PHF21B: variants seen among roughly 807,000 people sequenced by gnomAD.
The protein encoded by PHF21B is PHD finger protein 21B, also known as PHD finger protein 4.
PHF21B carries 22 observed loss-of-function variants against 62.2 expected under a neutral mutation model. The ratio of observed to expected loss-of-function variants is 0.35; its 90% CI spans 0.25 to 0.51. PHF21B has a LOEUF of 0.51. Ranked by LOEUF, PHF21B falls within the 20% of genes least tolerant of loss-of-function variation. The probability of loss-of-function intolerance (pLI) is 0.97; values close to 1 mark genes in which losing one functional copy is unlikely to be tolerated. For synonymous variants in PHF21B, 341 were observed against 314.7 expected, an observed-to-expected ratio of 1.08 and a Z score of -0.88; for missense variants, 701 against 707.9, an observed-to-expected ratio of 0.99 and a Z score of 0.11.
At chr22:44,961,552 G>T (rs2147418722) in intron 2 of PHF21B, among the ~76,000 whole-genome samples, 1 of 152,140 alleles carries the variant, frequency 6.6e-6, no homozygotes, top group Non-Finnish European at 1.5e-5. Flanking sequence ...TAGGATAATG[G>T]CCTACAGGCT....
chr22:44,888,803 CAGGG>C (rs1027945697), intron 9 of PHF21B, among the ~76,000 whole-genome samples: 1 of 152,148 alleles, frequency 6.6e-6, no homozygotes, highest in African/African-American at 2.4e-5. Flanking sequence ...TGCAAATGCC[CAGGG>C]AGGGAGAGGC....
At chr22:44,946,349 C>T (rs553508614) in intron 2 of PHF21B, among the ~76,000 whole-genome samples, 3 of 152,270 alleles carry the variant, frequency 2.0e-5, no homozygotes, top group South Asian at 4.1e-4. Context: ...TATGCCCTCC[C>T]GACATGCCTA....
chr22:44,925,182 A>T (rs1033970129), intron 2 of PHF21B, among the ~76,000 whole-genome samples: 1 of 152,248 alleles, frequency 6.6e-6, no homozygotes, highest in Non-Finnish European at 1.5e-5. Flanking sequence ...CGACACCAGG[A>T]CATTTTCAGG....
At chr22:44,888,620 G>A (rs1478862531) in intron 9 of PHF21B, among the ~76,000 whole-genome samples, 1 of 152,144 alleles carries the variant, frequency 6.6e-6, no homozygotes, top group African/African-American at 2.4e-5. Context: ...CCCTGTACTC[G>A]GCTCTCTGTT....
intron 11 of PHF21B, 31 bp downstream of exon 11, chr22:44,885,831 GT>G (rs2070847402): frequency 6.2e-7 from 1 of 1,603,900 alleles, no homozygotes. Flanking sequence ...GGGGGAGCAG[GT>G]ACCCTTTTCC....
chr22:44,998,119 C>T (rs1390415389), intron 2 of PHF21B, among the ~76,000 whole-genome samples: 6 of 152,222 alleles, frequency 3.9e-5, no homozygotes, highest in Non-Finnish European at 5.9e-5. Context: ...TAAGTTTCAT[C>T]GTATGGACCA....
intron 2 of PHF21B, chr22:44,969,063 C>T (rs991169028): frequency 5.3e-5 from 8 of 152,276 alleles, no homozygotes; most frequent in African/African-American, 1.9e-4. Flanking sequence ...ACTGACACTT[C>T]CTGTGGCCAG....
intron 2 of PHF21B, among the ~76,000 whole-genome samples, chr22:44,931,744 G>A (rs2094836009): frequency 6.6e-6 from 1 of 152,152 alleles, no homozygotes; most frequent in South Asian, 2.1e-4. Context: ...AGCCTCTGAG[G>A]TCACGCTAGT....
At chr22:44,928,690 A>C (rs1262635175) in intron 2 of PHF21B, among the ~76,000 whole-genome samples, 2 of 152,222 alleles carry the variant, frequency 1.3e-5, no homozygotes, top group Admixed American at 6.5e-5. Flanking sequence ...GATTAGAGGC[A>C]TGAGCCAACA....
chr22:44,886,678 C>A (rs1471370559), intron 10 of PHF21B, among the ~76,000 whole-genome samples: 2 of 150,602 alleles, frequency 1.3e-5, no homozygotes, highest in Non-Finnish European at 3.0e-5. Context: ...CAGAGCAAGA[C>A]CCTGTCTACC....
intron 10 of PHF21B, among the ~76,000 whole-genome samples, chr22:44,886,513 C>G (rs1021928622): frequency 2.3e-4 from 35 of 151,602 alleles, no homozygotes; most frequent in African/African-American, 7.7e-4. Context: ...AAAGTGAGAC[C>G]CAACCTCTAC....
chr22:44,917,963 C>T lies in PHF21B; in HGVS notation c.214-1333G>A, dbSNP rs1353240163. On this transcript the variant is annotated intron_variant, in intron 3 of 12. Transcript: ENST00000313237. ...GTCCTTAGCAAAATGAGCCCGGCCTCCCACATCAGGGCCCTGGCCACACCA... is the reference window on the plus strand; with the variant it reads ...GTCCTTAGCAAAATGAGCCCGGCCTTCCACATCAGGGCCCTGGCCACACCA... 5.3e-5 allele frequency among the ~76,000 whole-genome samples: 8 copies of T among 152,342 alleles called. No individual in the cohort carries two copies. In the East Asian group the frequency reaches 1.2e-3, roughly 22 times the overall value.
chr22:44,904,155 G>C (rs73178244), intron 5 of PHF21B, among the ~76,000 whole-genome samples: 5,314 of 152,216 alleles, frequency 0.035, 140 homozygotes, highest in Non-Finnish European at 0.053. Flanking sequence ...ATAAAGGCTG[G>C]AGTTAATATT....
rs16993160 is a variant in PHF21B, at chr22:44,940,218, C to T, written c.121-19728G>A. Among the ~76,000 whole-genome samples the T allele has an allele frequency of 2.2e-3, 329 of 152,338 alleles. 4 individuals are homozygous for T. The highest frequency in any genetic ancestry group is 7.7e-3 in the African/African-American group (322 of 41,578). ...CTCTTGGCAAGAGGGCCTGAACCTG[C>T]CTCCGGGCAAGCCTGTCCACACCCT... On this transcript the variant is annotated intron_variant, in intron 2 of 12. Transcript: ENST00000313237.
chr22:44,920,000 C>T (rs1250450527), intron 3 of PHF21B, among the ~76,000 whole-genome samples: 1 of 152,194 alleles, frequency 6.6e-6, no homozygotes, highest in East Asian at 1.9e-4. Context: ...TGAATCCCCT[C>T]GTCCAGAGTG....
intron 2 of PHF21B, among the ~76,000 whole-genome samples, chr22:45,003,935 C>T (rs547420430): frequency 2.6e-5 from 4 of 152,246 alleles, no homozygotes; most frequent in South Asian, 4.2e-4. Flanking sequence ...ATACTATATA[C>T]ATAGCATAAT....
intron 2 of PHF21B, among the ~76,000 whole-genome samples, chr22:44,924,943 T>C (rs1389477585): frequency 6.6e-6 from 1 of 152,200 alleles, no homozygotes; most frequent in Non-Finnish European, 1.5e-5. Context: ...CAAGCTGTGG[T>C]ATCTTCACAC....
intron 9 of PHF21B, 23 bp downstream of exon 9, chr22:44,889,737 A>G (rs750493050): frequency 1.3e-6 from 2 of 1,583,510 alleles, no homozygotes; most frequent in Non-Finnish European, 1.7e-6. Context: ...GGAAGTGTGA[A>G]GACGGAGGGA....
At chr22:44,967,361 C>G (rs570000434) in intron 2 of PHF21B, among the ~76,000 whole-genome samples, 8 of 151,844 alleles carry the variant, frequency 5.3e-5, no homozygotes, top group Non-Finnish European at 1.5e-5. Context: ...GCTGGGACTA[C>G]AGGTGCCCAT....
Sources: gnomAD v4.1 joint callset for allele counts (sites outside exome capture counted in the v4.1 genomes callset) on GRCh38, gnomAD v4.1.1 for gene constraint, MANE v1.5 for transcripts, NCBI Gene and HGNC (gene_info 2026-07-23, HGNC 2026-07-21) for gene names.